Variants in FRMD4A observed in about 807,000 individuals in gnomAD.
FRMD4A encodes the protein FERM domain containing 4A.
FRMD4A carries 29 observed loss-of-function variants against 129.1 expected under a neutral mutation model. That is an observed-to-expected ratio of 0.22 (90% CI 0.17 to 0.31). The LOEUF is 0.31. Among genes scored for constraint, FRMD4A ranks in the 10% least tolerant of loss-of-function variants. FRMD4A has a pLI of 1.00. For missense variants in FRMD4A, 1,272 were observed against 1,375.8 expected, an observed-to-expected ratio of 0.92 and a Z score of 1.19; for synonymous variants, 634 against 571.6, an observed-to-expected ratio of 1.11 and a Z score of -1.56.
intron 2 of FRMD4A, among the ~76,000 whole-genome samples, chr10:14,002,356 G>C (rs778709946): frequency 1.1e-4 from 16 of 152,290 alleles, no homozygotes; most frequent in Non-Finnish European, 2.2e-4. Context: ...CATGGTCTTA[G>C]AGTTCCGAAT....
At chr10:13,691,018 C>T (rs925910339) in intron 15 of FRMD4A, among the ~76,000 whole-genome samples, 23 of 152,310 alleles carry the variant, frequency 1.5e-4, no homozygotes, top group Admixed American at 1.4e-3. Context: ...GACACAGTCT[C>T]ACTCTGCCGC....
chr10:13,702,561 TG>T (rs2086941364), intron 13 of FRMD4A, among the ~76,000 whole-genome samples: 1 of 151,262 alleles, frequency 6.6e-6, no homozygotes, highest in Non-Finnish European at 1.5e-5. Flanking sequence ...TGTGTGTGTG[TG>T]TGTGTGCGCA....
At chr10:13,883,145 G>A (rs1564967852) in intron 2 of FRMD4A, among the ~76,000 whole-genome samples, 1 of 152,108 alleles carries the variant, frequency 6.6e-6, no homozygotes, top group East Asian at 1.9e-4. Context: ...AGTTCTCTAG[G>A]AGCGTGGTCA....
intron 2 of FRMD4A, among the ~76,000 whole-genome samples, chr10:13,927,351 CTATAATAGAAA>C (rs1287872268): frequency 3.3e-5 from 5 of 152,168 alleles, no homozygotes; most frequent in African/African-American, 1.2e-4. Context: ...ACTGATTCTA[CTATAATAGAAA>C]TGTTTTCTAG....
intron 2 of FRMD4A, among the ~76,000 whole-genome samples, chr10:13,937,436 C>T (rs1040331875): frequency 2.0e-5 from 3 of 152,212 alleles, no homozygotes; most frequent in Admixed American, 1.3e-4. Flanking sequence ...CCGTCACCAA[C>T]CCAACGCCCA....
chr10:14,007,953 AC>A, intron 2 of FRMD4A: 1 of 1,235,172 alleles, frequency 8.1e-7, no homozygotes, highest in Non-Finnish European at 1.1e-6. Context: ...AGGAACTCCA[AC>A]TGTTCAGGAA....
intron 9 of FRMD4A, among the ~76,000 whole-genome samples, chr10:13,743,023 A>G (rs868621505): frequency 9.8e-5 from 15 of 152,304 alleles, no homozygotes; most frequent in Middle Eastern, 3.4e-3. Flanking sequence ...AATTTGATGC[A>G]TAGAGGACAG....
At chr10:13,763,507 C>CT (rs1288390892) in intron 6 of FRMD4A, among the ~76,000 whole-genome samples, 3 of 152,132 alleles carry the variant, frequency 2.0e-5, no homozygotes, top group Non-Finnish European at 4.4e-5. Flanking sequence ...CAGAACGTTT[C>CT]TACCACTGTA....
rs139130388 is a variant in FRMD4A at position 13,733,548 on chromosome 10, G to A, written c.759+4296C>T. On this transcript the variant is annotated intron_variant, in intron 12 of 24. Transcript: ENST00000357447. The stretch of plus-strand genomic sequence containing the variant: ...AATGATTCTCCTGCCTCAGCTTCCC[G>A]AGTAGCTGAGATTATAGGCGCCCCG... Among the ~76,000 whole-genome samples the A allele has an allele frequency of 3.3e-3, 504 of 152,214 alleles. 4 individuals are homozygous for A. Among genetic ancestry groups the A allele is most frequent in the African/African-American group, 0.012 (481 of 41,536 alleles).
chr10:14,236,754 G>A (rs1843830728), intron 2 of FRMD4A, among the ~76,000 whole-genome samples: 1 of 152,148 alleles, frequency 6.6e-6, no homozygotes, highest in South Asian at 2.1e-4. Flanking sequence ...TCAGCCAACA[G>A]ATTAACAAAC....
At chr10:14,242,734 A>G (rs996570484) in intron 2 of FRMD4A, among the ~76,000 whole-genome samples, 3 of 152,166 alleles carry the variant, frequency 2.0e-5, no homozygotes, top group Non-Finnish European at 4.4e-5. Flanking sequence ...ATACTCCAAG[A>G]CTTTTCATGG....
chr10:14,136,568 A>T (rs111509174), intron 2 of FRMD4A, among the ~76,000 whole-genome samples: 1,963 of 152,150 alleles, frequency 0.013, 54 homozygotes, highest in African/African-American at 0.045. Context: ...CTCGTCTCAT[A>T]TGTAAACTGT....
intron 2 of FRMD4A, among the ~76,000 whole-genome samples, chr10:14,292,993 T>A (rs955846963): frequency 3.3e-5 from 5 of 151,912 alleles, no homozygotes; most frequent in African/African-American, 9.7e-5. Context: ...AGATATTACA[T>A]TTATAAATGA....
chr10:13,709,554 G>A (rs551666821), intron 12 of FRMD4A, among the ~76,000 whole-genome samples: 2 of 152,176 alleles, frequency 1.3e-5, no homozygotes, highest in South Asian at 4.1e-4. Flanking sequence ...AAAAATATGT[G>A]TGTGCTGCAA....
intron 2 of FRMD4A, among the ~76,000 whole-genome samples, chr10:13,881,729 G>A (rs1013704515): frequency 6.6e-5 from 10 of 152,136 alleles, no homozygotes; most frequent in African/African-American, 1.9e-4. Context: ...AAAAAGCGAC[G>A]GTGGGAGGCA....
At chr10:13,673,787 T>C (rs2134727539) in intron 16 of FRMD4A, among the ~76,000 whole-genome samples, 1 of 148,318 alleles carries the variant, frequency 6.7e-6, no homozygotes, top group South Asian at 2.2e-4. Context: ...TTTTTTTTTT[T>C]TTTTTTGAGA....
At chr10:14,301,405 T>TC (rs1403162417) in intron 2 of FRMD4A, among the ~76,000 whole-genome samples, 1 of 152,216 alleles carries the variant, frequency 6.6e-6, no homozygotes, top group Non-Finnish European at 1.5e-5. Flanking sequence ...TGGGGGACTG[T>TC]CCCCTTAAAC....
chr10:13,926,437 C>T (rs2095134689), intron 2 of FRMD4A, among the ~76,000 whole-genome samples: 1 of 152,138 alleles, frequency 6.6e-6, no homozygotes, highest in African/African-American at 2.4e-5. Flanking sequence ...AAGCCAATAA[C>T]CAAGGCAATT....
chr10:13,933,573 C>T (rs1370317846), intron 2 of FRMD4A, among the ~76,000 whole-genome samples: 2 of 152,176 alleles, frequency 1.3e-5, no homozygotes, highest in Non-Finnish European at 2.9e-5. Context: ...AAATTTTGTC[C>T]GTGACAGGGG....
Sources: gnomAD v4.1 joint callset for allele counts (sites outside exome capture counted in the v4.1 genomes callset) on GRCh38, gnomAD v4.1.1 for gene constraint, MANE v1.5 for transcripts, NCBI Gene and HGNC (gene_info 2026-07-23, HGNC 2026-07-21) for gene names.